The following COQ8A variants were observed in gnomAD, a reference collection of about 807,000 sequenced individuals.
COQ8A encodes the protein coenzyme Q8A, also known as atypical kinase COQ8A, mitochondrial.
Under a neutral mutation model 65.0 loss-of-function variants are expected in COQ8A, and 51 were observed. That is an observed-to-expected ratio of 0.78 (90% CI 0.63 to 0.99). The LOEUF (loss-of-function observed/expected upper bound fraction) is 0.99, where lower values mean the gene tolerates loss of function less well. COQ8A is among the 50% of genes least tolerant of loss of function. The pLI, the probability that COQ8A is intolerant of heterozygous loss-of-function variation, is 0.00. For synonymous variants in COQ8A, 371 were observed against 353.2 expected, an observed-to-expected ratio of 1.05 and a Z score of -0.57; for missense variants, 940 against 875.0, an observed-to-expected ratio of 1.07 and a Z score of -0.94.
chr1:226,986,293 G>A (rs1340945928), intron 14 of COQ8A, among the ~76,000 whole-genome samples, 160 bp from the exon 15 acceptor site: 21 of 152,050 alleles, frequency 1.4e-4, no homozygotes, highest in Admixed American at 1.4e-3. Flanking sequence ...TCGTGTTCCC[G>A]GCCCCTGTGG....
intron 10 of COQ8A, 67 bp from the exon 11 acceptor site, chr1:226,984,027 G>A: frequency 2.0e-6 from 3 of 1,506,996 alleles, no homozygotes; most frequent in Non-Finnish European, 2.7e-6. Flanking sequence ...TGGTTGGGGG[G>A]TGTGTGTGGG....
rs201908721 is a variant in COQ8A at position 226,982,719 on chromosome 1, C to T, written c.895C>T (p.Arg299Trp). ...CCCCCACCTGGCTAAGATCTTCGAG[C>T]GGGTGCGGCAGAGCGCGGACTTCAT... ...INPHLAKIFE[R>W]VRQSADFMPL... Residue 299 changes from arginine to tryptophan, a missense_variant, in exon 7 of 15, where the codon CGG becomes TGG. Physicochemically the swap from Arg to Trp is moderately radical, Grantham distance 101 (BLOSUM62 -3). Transcript: ENST00000366777. 3.0e-5 allele frequency: 48 copies of T among 1,613,560 alleles called. No homozygotes were observed. The highest frequency in any genetic ancestry group is 6.7e-5 in the Admixed American group (4 of 60,012).
Position 226,985,190 on chromosome 1 carries a change from C to T in COQ8A, c.1573-64C>T, listed in dbSNP as rs1267070050. 10 of 1,567,602 alleles carry T rather than the reference C, an allele frequency of 6.4e-6. No homozygotes were observed. The East Asian group carries it at 2.0e-4, about 32-fold the overall frequency. On this transcript the variant is annotated intron_variant, in intron 13 of 14. Coordinates refer to ENST00000366777, the MANE Select transcript of COQ8A (RefSeq NM_020247.5). ...GTGGGCTCGGGTGTGGCACTTGGCT[C>T]CCTGGGATGTCGGGAGCTGAGCTTT...
intron 5 of COQ8A, among the ~76,000 whole-genome samples, chr1:226,980,770 A>C (rs1659635419): frequency 6.6e-6 from 1 of 152,162 alleles, no homozygotes; most frequent in Non-Finnish European, 1.5e-5. Flanking sequence ...CTTTCCACGT[A>C]GCTGCCTGCA....
At chr1:226,940,826 G>C (rs910025109) in intron 1 of COQ8A, among the ~76,000 whole-genome samples, 10 of 152,232 alleles carry the variant, frequency 6.6e-5, no homozygotes, top group African/African-American at 2.4e-4. Context: ...TGTGTCTGGG[G>C]CTCTAGGCTC....
Position 226,949,919 on chromosome 1 carries a change from A to C in COQ8A, c.-10+9520A>C, listed in dbSNP as rs1044109162. 6.6e-6 allele frequency among the ~76,000 whole-genome samples: 1 copy of C among 152,222 alleles called. No homozygotes were observed. The highest frequency in any genetic ancestry group is 1.9e-4 in the East Asian group (1 of 5,202). On this transcript the variant is annotated intron_variant, in intron 1 of 14. Transcript: ENST00000366777. The surrounding 1 kb of genome is among the most constrained non-coding windows in gnomAD (Gnocchi z 4.0). ...TAGGTCACACTAGCAAGTCAGTGGC[A>C]GAGTCATGATGTGAACCCAGATCAC...
chr1:226,978,702 T>A (rs1270591007), intron 5 of COQ8A, among the ~76,000 whole-genome samples: 1 of 67,670 alleles, frequency 1.5e-5, no homozygotes, highest in African/African-American at 3.9e-5. Flanking sequence ...CCTGCACACC[T>A]CCTTACATCT....
In COQ8A at chr1:226,983,794, G is replaced by C. The variant is rs1437161035; in HGVS notation, c.1196G>C (p.Arg399Thr). 1.2e-6 allele frequency: 2 copies of C among 1,612,732 alleles called. No individual in the cohort carries two copies. Among genetic ancestry groups the C allele is most frequent in the Non-Finnish European group, 1.7e-6 (2 of 1,180,018 alleles). ...CCCGAGCACCTGATCGACGTGCTGA[G>C]GCGGGAGCTGGCCCTGGAGTGTGAC... Reference protein sequence around the residue: ...LFPEHLIDVLRRELALECDYQ... With the variant: ...LFPEHLIDVLTRELALECDYQ... The change falls in exon 10 of 15, where the codon AGG becomes ACG. Residue 399 changes from arginine (R) to threonine (T), a missense_variant. Physicochemically the swap from Arg to Thr is moderately conservative, Grantham distance 71. Transcript: ENST00000366777.
At chr1:226,970,795 A>G (rs1572055421) in intron 4 of COQ8A, among the ~76,000 whole-genome samples, 1 of 152,142 alleles carries the variant, frequency 6.6e-6, no homozygotes, top group East Asian at 1.9e-4. Context: ...ATTTAGATTT[A>G]CCCACATATT....
intron 4 of COQ8A, among the ~76,000 whole-genome samples, chr1:226,977,129 G>A (rs922763255): frequency 1.3e-5 from 2 of 152,150 alleles, no homozygotes; most frequent in African/African-American, 4.8e-5. Flanking sequence ...TTTGTGCTGG[G>A]TCCTTCCCAG....
At chr1:226,975,743 C>T (rs1659155414) in intron 4 of COQ8A, among the ~76,000 whole-genome samples, 1 of 152,178 alleles carries the variant, frequency 6.6e-6, no homozygotes, top group South Asian at 2.1e-4. Context: ...TCTACTCACG[C>T]CCGCACGACA....
At chr1:226,964,070 C>T (rs1375924303) in intron 2 of COQ8A, among the ~76,000 whole-genome samples, 2 of 152,204 alleles carry the variant, frequency 1.3e-5, no homozygotes, top group African/African-American at 4.8e-5. Flanking sequence ...CTGTCTCTCT[C>T]CTCCCTCCCA....
At chr1:226,981,921 T>C in intron 5 of COQ8A, 106 bp from the exon 6 acceptor site, 1 of 1,545,188 alleles carries the variant, frequency 6.5e-7, no homozygotes. Flanking sequence ...TATGGACGCC[T>C]GGGAGGAAGG....
chr1:226,973,769 G>A (rs1659034798), intron 4 of COQ8A, among the ~76,000 whole-genome samples: 1 of 152,232 alleles, frequency 6.6e-6, no homozygotes. Context: ...AAGCCTCCTG[G>A]GCTGCTGCAT....
intron 2 of COQ8A, 86 bp downstream of exon 2, chr1:226,961,648 G>C: frequency 6.8e-7 from 1 of 1,472,862 alleles, no homozygotes; most frequent in Non-Finnish European, 9.1e-7. Context: ...TGTGACCATG[G>C]CAACTGGTCT....
intron 1 of COQ8A, among the ~76,000 whole-genome samples, chr1:226,945,479 C>G (rs1036387401): frequency 6.6e-6 from 1 of 152,228 alleles, no homozygotes; most frequent in Non-Finnish European, 1.5e-5. Context: ...GGCACTGATA[C>G]TGGCTCAGAG....
Position 226,983,475 on chromosome 1 carries a change from G to A in COQ8A, c.1081-77G>A, listed in dbSNP as rs538291296. 1.7e-3 allele frequency: 2,265 copies of A among 1,368,530 alleles called. 39 individuals carry two copies. In the South Asian group the frequency reaches 0.019, roughly 11 times the overall value. The allele number at this position is 1,368,530 out of a possible 1,614,324, so 84.8% of individuals were successfully genotyped here. A position where few individuals can be genotyped will look rare whatever the true frequency, so the allele number is the denominator to read the frequency against. On this transcript the variant is annotated intron_variant, in intron 8 of 14. Coordinates refer to ENST00000366777, the MANE Select transcript of COQ8A (RefSeq NM_020247.5). ...CAGGACACAGCTGGGAAGCCAGTTG[G>A]GGGTTGGGGGAGTGCCCCAGGCAGG...
At chr1:226,983,434 G>C in intron 8 of COQ8A, 118 bp from the exon 9 acceptor site, 5 of 950,426 alleles carry the variant, frequency 5.3e-6, no homozygotes, top group Middle Eastern at 2.5e-4. Context: ...TGGTTCTCCA[G>C]GGTGTGGGCT....
At chr1:226,951,036 C>T (rs540656265) in intron 1 of COQ8A, among the ~76,000 whole-genome samples, 2 of 152,292 alleles carry the variant, frequency 1.3e-5, no homozygotes, top group Middle Eastern at 3.4e-3. Flanking sequence ...ACCTCTCTGC[C>T]GGGGCAGACA....
Sources: allele counts gnomAD v4.1 joint callset (sites outside exome capture counted in the v4.1 genomes callset), GRCh38; gene constraint gnomAD v4.1.1; non-coding constraint Gnocchi (gnomAD v3.1); transcripts MANE v1.5; gene names NCBI Gene and HGNC (gene_info 2026-07-23, HGNC 2026-07-21).